Variants in CHST11 observed in about 807,000 individuals in gnomAD.
The protein encoded by CHST11 is C4S-1.
CHST11 carries 9 observed loss-of-function variants against 30.4 expected under a neutral mutation model. That is an observed-to-expected ratio of 0.30 (90% CI 0.18 to 0.52). The LOEUF (loss-of-function observed/expected upper bound fraction) is 0.52. CHST11 is among the 20% of genes least tolerant of loss of function. CHST11 has a pLI of 0.97. For synonymous variants in CHST11, 152 were observed against 187.8 expected, an observed-to-expected ratio of 0.81 and a Z score of 1.56; for missense variants, 348 against 460.6, an observed-to-expected ratio of 0.76 and a Z score of 2.24.
intron 1 of CHST11, among the ~76,000 whole-genome samples, chr12:104,492,496 T>A (rs1397950746): frequency 6.6e-6 from 1 of 152,238 alleles, no homozygotes; most frequent in African/African-American, 2.4e-5. Context: ...CCCCTCACTA[T>A]GTGTCTCTGG....
intron 1 of CHST11, among the ~76,000 whole-genome samples, chr12:104,534,380 T>C (rs941896779): frequency 1.3e-5 from 2 of 152,198 alleles, no homozygotes; most frequent in African/African-American, 4.8e-5. Flanking sequence ...ACTTAGCCTC[T>C]TCCTCCTTCT....
rs945332239 is a variant in CHST11, at chr12:104,760,141, T to C, written c.*2338T>C. 6.6e-6 allele frequency: 1 copy of C among 152,140 alleles called. No individual in the cohort carries two copies. Among genetic ancestry groups the C allele is most frequent in the African/African-American group, 2.4e-5 (1 of 41,404 alleles). 9.4% of individuals were successfully genotyped at this position (152,140 alleles called of 1,614,324 possible). A position where few individuals can be genotyped will look rare whatever the true frequency, so the allele number is the denominator to read the frequency against. ...TCCTGAACTTACATGACCAGGATACTCTATTTTGCAGATCACCCCACAGAG... is the reference window on the plus strand; with the variant it reads ...TCCTGAACTTACATGACCAGGATACCCTATTTTGCAGATCACCCCACAGAG... On this transcript the variant is annotated 3_prime_UTR_variant, in exon 3 of 3. Coordinates refer to ENST00000303694, the MANE Select transcript of CHST11 (RefSeq NM_018413.6).
At chr12:104,543,660 T>C (rs1360066369) in intron 1 of CHST11, among the ~76,000 whole-genome samples, 2 of 152,182 alleles carry the variant, frequency 1.3e-5, no homozygotes, top group African/African-American at 4.8e-5. Flanking sequence ...ATGTACTTTA[T>C]CTATCAGTGG....
chr12:104,705,135 G>A (rs1003868951), intron 2 of CHST11, among the ~76,000 whole-genome samples: 7 of 152,322 alleles, frequency 4.6e-5, no homozygotes, highest in African/African-American at 1.7e-4. Context: ...TAGGCAAAAT[G>A]TGGAGAAGTG....
chr12:104,735,072 G>A (rs1566058966), intron 2 of CHST11, among the ~76,000 whole-genome samples: 1 of 152,326 alleles, frequency 6.6e-6, no homozygotes, highest in East Asian at 1.9e-4. Context: ...GATGAGCAAG[G>A]CAACAGTCCT....
At chr12:104,473,588 G>A (rs115585225) in intron 1 of CHST11, among the ~76,000 whole-genome samples, 3,438 of 152,232 alleles carry the variant, frequency 0.023, 143 homozygotes, top group African/African-American at 0.078. Context: ...TGTGGGGTCT[G>A]AGTGCATTGT....
At chr12:104,525,397 G>A (rs1366554365) in intron 1 of CHST11, among the ~76,000 whole-genome samples, 1 of 152,206 alleles carries the variant, frequency 6.6e-6, no homozygotes, top group Non-Finnish European at 1.5e-5. Context: ...TGAAAGGCCA[G>A]TTGAGAAGAA....
intron 2 of CHST11, among the ~76,000 whole-genome samples, chr12:104,755,298 A>G (rs2040465616): frequency 2.0e-5 from 3 of 152,204 alleles, no homozygotes; most frequent in Non-Finnish European, 2.9e-5. Context: ...AGCCACCCAC[A>G]GTCTGGCCTG....
chr12:104,634,646 G>T (rs1362237373), intron 2 of CHST11, among the ~76,000 whole-genome samples: 1 of 152,202 alleles, frequency 6.6e-6, no homozygotes, highest in Non-Finnish European at 1.5e-5. Flanking sequence ...TATACTGGCT[G>T]GGTGATCATG....
intron 2 of CHST11, among the ~76,000 whole-genome samples, chr12:104,748,977 GC>G (rs1270833087): frequency 6.6e-6 from 1 of 152,214 alleles, no homozygotes; most frequent in African/African-American, 2.4e-5. Flanking sequence ...AGAGAATGAC[GC>G]ATGGTTGGAG....
At position 104,487,425 on chromosome 12, in the gene CHST11, T is replaced by G. The variant is rs558808145; in HGVS notation, c.118+29896T>G. Reference sequence around the variant, plus strand: ...TACAGGCACATGCCACCACACCTGGTTAATTTTTAAACTCTTTGTAGAGAC... The same window carrying G: ...TACAGGCACATGCCACCACACCTGGGTAATTTTTAAACTCTTTGTAGAGAC... On this transcript the variant is annotated intron_variant, in intron 1 of 2. Coordinates refer to ENST00000303694, the MANE Select transcript of CHST11 (RefSeq NM_018413.6). Among the ~76,000 whole-genome samples, 27 of 152,226 alleles carry G rather than the reference T, an allele frequency of 1.8e-4. No individual in the cohort carries two copies. In the South Asian group the frequency reaches 5.4e-3, roughly 30 times the overall value.
chr12:104,474,816 A>C (rs1168086655), intron 1 of CHST11, among the ~76,000 whole-genome samples: 1 of 152,194 alleles, frequency 6.6e-6, no homozygotes, highest in Non-Finnish European at 1.5e-5. Flanking sequence ...GGGACCCCAC[A>C]TGTGTTACTA....
chr12:104,571,695 C>A (rs1317976442), intron 1 of CHST11, among the ~76,000 whole-genome samples: 1 of 152,156 alleles, frequency 6.6e-6, no homozygotes, highest in African/African-American at 2.4e-5. Flanking sequence ...CACCTCTCAT[C>A]AAAACAGTGC....
chr12:104,632,990 A>G (rs2039286877), intron 2 of CHST11, among the ~76,000 whole-genome samples: 1 of 152,214 alleles, frequency 6.6e-6, no homozygotes, highest in Non-Finnish European at 1.5e-5. Context: ...TTTCTTTATC[A>G]TCGACTTTGT....
chr12:104,540,725 G>A (rs968741769), intron 1 of CHST11, among the ~76,000 whole-genome samples: 2 of 152,172 alleles, frequency 1.3e-5, no homozygotes, highest in African/African-American at 2.4e-5. Context: ...GGAAAGCCAC[G>A]GCTCCAATCT....
chr12:104,633,263 T>C (rs1282150778), intron 2 of CHST11, among the ~76,000 whole-genome samples: 1 of 152,168 alleles, frequency 6.6e-6, no homozygotes, highest in Non-Finnish European at 1.5e-5. Flanking sequence ...CAATAACTCA[T>C]GATTTCTTCA....
At chr12:104,578,706 G>A (rs1458873129) in intron 1 of CHST11, among the ~76,000 whole-genome samples, 1 of 152,188 alleles carries the variant, frequency 6.6e-6, no homozygotes, top group Admixed American at 6.5e-5. Context: ...CATGGAAAGC[G>A]CTCAGCAAGC....
chr12:104,564,332 C>G (rs761017792), intron 1 of CHST11, among the ~76,000 whole-genome samples: 1 of 152,172 alleles, frequency 6.6e-6, no homozygotes, highest in Non-Finnish European at 1.5e-5. Flanking sequence ...TGGGACAGTG[C>G]GGGAGGCACA....
intron 1 of CHST11, among the ~76,000 whole-genome samples, chr12:104,579,694 G>T (rs77487486): frequency 0.023 from 3,577 of 152,266 alleles, 196 homozygotes; most frequent in East Asian, 0.21. Flanking sequence ...CAGCAGCCCG[G>T]CAGGGGAGGG....
Sources: gnomAD v4.1 joint callset for allele counts (sites outside exome capture counted in the v4.1 genomes callset) on GRCh38, gnomAD v4.1.1 for gene constraint, MANE v1.5 for transcripts, NCBI Gene and HGNC (gene_info 2026-07-23, HGNC 2026-07-21) for gene names.